FAM81B: variants seen among roughly 807,000 people sequenced by gnomAD.
The protein encoded by FAM81B is protein FAM81B.
In FAM81B, 60 loss-of-function variants were observed where a neutral mutation model predicts 58.7. That is an observed-to-expected ratio of 1.02 (90% CI 0.83 to 1.27). FAM81B has a LOEUF of 1.27. Ranked by LOEUF, FAM81B falls within the 50% of genes most tolerant of loss-of-function variation. The pLI, the probability that FAM81B is intolerant of heterozygous loss-of-function variation, is 0.00. For synonymous variants in FAM81B, 189 were observed against 179.6 expected, an observed-to-expected ratio of 1.05 and a Z score of -0.42; for missense variants, 491 against 522.0, an observed-to-expected ratio of 0.94 and a Z score of 0.58.
intron 5 of FAM81B, among the ~76,000 whole-genome samples, 154 bp downstream of exon 5, chr5:95,420,556 T>C (rs1273492398): frequency 6.6e-6 from 1 of 152,218 alleles, no homozygotes; most frequent in Admixed American, 6.5e-5. Context: ...CATAGAACTT[T>C]CAATGCCTCA....
At chr5:95,446,538 GA>G (rs1305164675) in intron 7 of FAM81B, 23 bp from the exon 8 acceptor site, 3 of 1,537,938 alleles carry the variant, frequency 2.0e-6, no homozygotes, top group Non-Finnish European at 2.6e-6. Context: ...TTATTTAAAT[GA>G]AACAAAACAT....
rs552333388 is a variant in FAM81B, at chr5:95,424,272, T to G, written c.656+3870T>G. 47 of 1,248,028 alleles carry G rather than the reference T, an allele frequency of 3.8e-5. No homozygotes were observed. The African/African-American group carries it at 6.3e-4, about 17-fold the overall frequency. 77.3% of individuals were successfully genotyped at this position (1,248,028 alleles called of 1,614,324 possible). On this transcript the variant is annotated intron_variant, in intron 5 of 9. Coordinates refer to ENST00000283357, the MANE Select transcript of FAM81B (RefSeq NM_152548.3). Reference sequence around the variant, plus strand: ...AATCACTTCCACTATCATCCCCAGATAGACAGAAGACAGACAGATAGATGA... The same window carrying G: ...AATCACTTCCACTATCATCCCCAGAGAGACAGAAGACAGACAGATAGATGA...
intron 3 of FAM81B, among the ~76,000 whole-genome samples, chr5:95,401,393 C>G (rs1321565957): frequency 6.6e-6 from 1 of 152,114 alleles, no homozygotes; most frequent in African/African-American, 2.4e-5. Flanking sequence ...GCCTGCCTCA[C>G]CCCCCAGAGC....
intron 2 of FAM81B, among the ~76,000 whole-genome samples, chr5:95,393,260 C>T (rs984882098): frequency 1.3e-5 from 2 of 152,146 alleles, no homozygotes; most frequent in African/African-American, 4.8e-5. Flanking sequence ...TAGAACTTGT[C>T]GTATCTTCTC....
Position 95,450,410 on chromosome 5 carries a change from C to A in FAM81B, c.*128C>A. 9 of 1,445,192 alleles carry A rather than the reference C, an allele frequency of 6.2e-6. No individual in the cohort carries two copies. Among genetic ancestry groups the A allele is most frequent in the South Asian group, 2.8e-5 (2 of 70,932 alleles). The allele number at this position is 1,445,192 out of a possible 1,614,324, so 89.5% of individuals were successfully genotyped here. The stretch of plus-strand genomic sequence containing the variant: ...GTCTCCTTTTAAGGAGACGAATGTA[C>A]CAGAAAAATAATAAAGCAAAGAAGC... On this transcript the variant is annotated 3_prime_UTR_variant, in exon 10 of 10. Coordinates refer to ENST00000283357, the MANE Select transcript of FAM81B (RefSeq NM_152548.3).
chr5:95,424,316 A>C (rs916487313), intron 5 of FAM81B: 3 of 995,828 alleles, frequency 3.0e-6, no homozygotes, highest in Admixed American at 2.3e-5. Context: ...CAGACAGATA[A>C]TAGATACATA....
chr5:95,408,989 A>G (rs6556865), intron 3 of FAM81B, among the ~76,000 whole-genome samples: 41,279 of 152,092 alleles, frequency 0.27, 5,798 homozygotes, highest in Non-Finnish European at 0.3. Context: ...CCAAATTGAG[A>G]AGTTGTGCTA....
chr5:95,415,612 C>A (rs934947121), intron 4 of FAM81B, among the ~76,000 whole-genome samples: 1 of 152,150 alleles, frequency 6.6e-6, no homozygotes, highest in African/African-American at 2.4e-5. Flanking sequence ...TGACAAGAGG[C>A]AAGCAGCCCT....
chr5:95,435,186 G>A (rs1007704126), intron 6 of FAM81B, among the ~76,000 whole-genome samples: 5 of 152,230 alleles, frequency 3.3e-5, no homozygotes, highest in Admixed American at 1.3e-4. Context: ...AGTAGTCACA[G>A]CCCTTGGCCA....
At chr5:95,419,807 C>T (rs181768699) in intron 4 of FAM81B, among the ~76,000 whole-genome samples, 84 of 152,280 alleles carry the variant, frequency 5.5e-4, no homozygotes, top group African/African-American at 1.8e-3. Flanking sequence ...CTGGTTCAAT[C>T]CATAAAAAAT....
intron 3 of FAM81B, among the ~76,000 whole-genome samples, chr5:95,406,581 C>G (rs755438627): frequency 6.6e-6 from 1 of 152,196 alleles, no homozygotes; most frequent in Non-Finnish European, 1.5e-5. Flanking sequence ...AGTCTGCCAG[C>G]TGGCAGCACT....
At chr5:95,398,696 G>T (rs932652230) in intron 3 of FAM81B, among the ~76,000 whole-genome samples, 1 of 152,174 alleles carries the variant, frequency 6.6e-6, no homozygotes, top group Non-Finnish European at 1.5e-5. Flanking sequence ...AATGCGTTTG[G>T]AGCCATTCTA....
At chr5:95,433,223 T>C (rs1744968094) in intron 6 of FAM81B, among the ~76,000 whole-genome samples, 1 of 151,620 alleles carries the variant, frequency 6.6e-6, no homozygotes, top group South Asian at 2.1e-4. Flanking sequence ...TAGTTCCACA[T>C]GGCTGGGGAG....
intron 5 of FAM81B, among the ~76,000 whole-genome samples, chr5:95,428,159 T>C (rs1187684585): frequency 6.6e-6 from 1 of 152,188 alleles, no homozygotes; most frequent in Admixed American, 6.5e-5. Flanking sequence ...CAACGGAGAA[T>C]TGATAGTCTG....
At chr5:95,433,431 C>G (rs981528393) in intron 6 of FAM81B, among the ~76,000 whole-genome samples, 1 of 152,088 alleles carries the variant, frequency 6.6e-6, no homozygotes, top group Non-Finnish European at 1.5e-5. Context: ...GGGTCCTTCT[C>G]ATGACATGTA....
chr5:95,409,488 A>ATTTTTTTTTTTTTTTTTTTTT (rs1561295717), intron 3 of FAM81B, among the ~76,000 whole-genome samples: 2 of 88,806 alleles, frequency 2.3e-5, no homozygotes, highest in African/African-American at 4.1e-5. Context: ...ATTTTTCTTA[A>ATTTTTTTTTTTTTTTTTTTTT]TGTGGCTATT....
Position 95,419,784 on chromosome 5 carries a change from C to T in FAM81B, c.538-500C>T, listed in dbSNP as rs541579307. Among the ~76,000 whole-genome samples the T allele has an allele frequency of 2.0e-5, 3 of 152,258 alleles. No individual in the cohort carries two copies. The East Asian group carries it at 5.8e-4, about 29-fold the overall frequency. On this transcript the variant is annotated intron_variant, in intron 4 of 9. Coordinates refer to ENST00000283357, the MANE Select transcript of FAM81B (RefSeq NM_152548.3). ...TTCAGACTTGCTTGCGCTGTGTTAA[C>T]TTCATTGTGGTTCTGGTTCAATCCA...
intron 3 of FAM81B, among the ~76,000 whole-genome samples, chr5:95,398,063 C>T (rs1237143985): frequency 3.9e-5 from 6 of 152,224 alleles, no homozygotes; most frequent in Admixed American, 3.3e-4. Context: ...GTAATAAGTG[C>T]AGACATTTTG....
At chr5:95,399,069 T>C (rs1762039296) in intron 3 of FAM81B, among the ~76,000 whole-genome samples, 1 of 152,246 alleles carries the variant, frequency 6.6e-6, no homozygotes, top group South Asian at 2.1e-4. Context: ...GGCTGGGCTA[T>C]AGCCAATATA....
Sources: allele counts gnomAD v4.1 joint callset (sites outside exome capture counted in the v4.1 genomes callset), GRCh38; gene constraint gnomAD v4.1.1; transcripts MANE v1.5; gene names NCBI Gene and HGNC (gene_info 2026-07-23, HGNC 2026-07-21).